ZAN: variants seen among roughly 807,000 people sequenced by gnomAD.
The protein encoded by ZAN is zonadhesin, also known as zonadhesin (gene/pseudogene).
A neutral mutation model predicts 286.2 loss-of-function variants in ZAN; 260 were observed. That is an observed-to-expected ratio of 0.91 (90% CI 0.82 to 1.01). ZAN has a LOEUF of 1.01. Among genes scored for constraint, ZAN ranks in the 50% least tolerant of loss-of-function variants. The pLI, the probability that ZAN is intolerant of heterozygous loss-of-function variation, is 0.00. For missense variants in ZAN, 3,410 were observed against 3,639.2 expected, an observed-to-expected ratio of 0.94 and a Z score of 1.62; for synonymous variants, 1,368 against 1,417.5, an observed-to-expected ratio of 0.97 and a Z score of 0.79.
intron 19 of ZAN, among the ~76,000 whole-genome samples, chr7:100,761,507 G>T (rs1348336676): frequency 6.6e-6 from 1 of 152,068 alleles, no homozygotes; most frequent in Non-Finnish European, 1.5e-5. Flanking sequence ...GGTGGTACTT[G>T]CCTGTAGTCT....
rs780806451 is a variant in ZAN, at chr7:100,751,210, A to G, written c.1550A>G (p.Asn517Ser). 1.9e-6 allele frequency: 3 copies of G among 1,610,118 alleles called. No homozygotes were observed. The African/African-American group carries it at 4.0e-5, about 22-fold the overall frequency. Residue 517 changes from asparagine to serine, a missense_variant, in exon 13 of 48, where the codon AAC becomes AGC. Physicochemically the swap from Asn to Ser is conservative, Grantham distance 46. Transcript: ENST00000613979. ...ATTTTCAAGGGCATCCAGGGAAGCA[A>G]CACGGCCTCTGTGGTTGCTATGGGT... is the stretch of plus-strand genomic sequence containing the variant. The part of the protein sequence containing the change: ...QLIFKGIQGS[N>S]TASVVAMGFI...
At chr7:100,774,289 G>C (rs892401293) in intron 31 of ZAN, among the ~76,000 whole-genome samples, 1 of 152,192 alleles carries the variant, frequency 6.6e-6, no homozygotes, top group East Asian at 1.9e-4. Flanking sequence ...AGAATTGCTT[G>C]AACCCAGGAG....
chr7:100,782,671 T>TG (rs1811266923), intron 35 of ZAN, among the ~76,000 whole-genome samples: 1 of 115,594 alleles, frequency 8.7e-6, no homozygotes, highest in Non-Finnish European at 1.8e-5. Context: ...TATATTTAAG[T>TG]GGGTTTTTTT....
intron 29 of ZAN, among the ~76,000 whole-genome samples, chr7:100,772,770 A>G (rs952532816): frequency 1.5e-4 from 23 of 149,832 alleles, no homozygotes; most frequent in Admixed American, 8.6e-4. Flanking sequence ...GCAGTGACCC[A>G]AGATCATGCC....
At chr7:100,738,399 C>A in intron 6 of ZAN, 62 bp from the exon 7 acceptor site, 1 of 1,348,010 alleles carries the variant, frequency 7.4e-7, no homozygotes, top group South Asian at 1.3e-5. Context: ...GCCTGGGTGA[C>A]AGAGACCCTG....
chr7:100,773,244 A>G (rs1246898141), intron 29 of ZAN, 41 bp from the exon 30 acceptor site: 1 of 1,601,524 alleles, frequency 6.2e-7, no homozygotes, highest in Non-Finnish European at 8.5e-7. Context: ...TGGGGGCTGG[A>G]CATGCCACCC....
Position 100,790,927 on chromosome 7 carries a change from C to A in ZAN, c.7358-15C>A, listed in dbSNP as rs1357784740. 5 of 1,595,806 alleles carry A rather than the reference C, an allele frequency of 3.1e-6. No homozygotes were observed. The highest frequency in any genetic ancestry group is 4.3e-6 in the Non-Finnish European group (5 of 1,171,534). ...GTGAGGAGTCTCACTTCTGGGGACC[C>A]CCTTCCTCCCGCAGTGATCTCCCTA... is the stretch of plus-strand genomic sequence containing the variant. On this transcript the variant is annotated splice_polypyrimidine_tract_variant and intron_variant, in intron 39 of 47. Coordinates refer to ENST00000613979, the MANE Select transcript of ZAN (RefSeq NM_003386.3).
intron 11 of ZAN, 117 bp from the exon 12 acceptor site, chr7:100,750,508 C>A: frequency 8.1e-7 from 1 of 1,241,422 alleles, no homozygotes; most frequent in Non-Finnish European, 1.1e-6. Flanking sequence ...AATGCTACGA[C>A]CTGGGAAATT....
intron 45 of ZAN, among the ~76,000 whole-genome samples, chr7:100,796,408 G>A (rs373397189): frequency 1.7e-4 from 25 of 149,924 alleles, no homozygotes; most frequent in African/African-American, 6.1e-4. Context: ...TCTGGAGTGG[G>A]CCCAGGAATC....
In ZAN at chr7:100,750,794, G is replaced by T; in HGVS notation, c.1419G>T (p.Ala473=). 6.2e-7 allele frequency: 1 copy of T among 1,611,056 alleles called. No individual in the cohort carries two copies. Among genetic ancestry groups the T allele is most frequent in the East Asian group, 2.2e-5 (1 of 44,780 alleles). The change falls in exon 12 of 48, where the codon GCG becomes GCT. Residue 473 remains alanine (A), a synonymous_variant. Coordinates refer to ENST00000613979, the MANE Select transcript of ZAN (RefSeq NM_003386.3). ...TMLELLLGSP[A]GSPPIPLWKR... ...TCGAACTCCTCCTGGGAAGTCCTGC[G>T]GGGAGTCCCCCGATTCCTCTCTGGA...
At chr7:100,757,648 T>C (rs191388686) in intron 15 of ZAN, among the ~76,000 whole-genome samples, 342 of 149,538 alleles carry the variant, frequency 2.3e-3, no homozygotes, top group Non-Finnish European at 4.5e-3. Flanking sequence ...CCAGCTACTC[T>C]GGAGGCTGAG....
At chr7:100,789,868 G>T (rs184983466) in intron 39 of ZAN, among the ~76,000 whole-genome samples, 2 of 151,942 alleles carry the variant, frequency 1.3e-5, no homozygotes, top group Admixed American at 6.6e-5. Flanking sequence ...TCGCTTGAAC[G>T]TGGGAGGCGG....
rs1490535613 is a variant in ZAN, at chr7:100,752,606, AAG to A, written c.2505_2506del (p.Glu835AspfsTer55). The A allele has an allele frequency of 6.2e-7, 1 of 1,611,944 alleles. No individual in the cohort carries two copies. Among genetic ancestry groups the A allele is most frequent in the Non-Finnish European group, 8.5e-7 (1 of 1,179,418 alleles). Reference sequence around the variant, plus strand: ...ACTGAAGAAACCACCACCTCTGTTGAAGAGACTACCATCTCTACAGAAAAACT... The same window carrying A: ...ACTGAAGAAACCACCACCTCTGTTGAAGACTACCATCTCTACAGAAAAACT... On this transcript the variant is annotated frameshift_variant, in exon 14 of 48. Coordinates refer to ENST00000613979, the MANE Select transcript of ZAN (RefSeq NM_003386.3). LOFTEE classifies it high-confidence loss of function.
chr7:100,762,240 T>TTG lies in ZAN; in HGVS notation c.3873_3874dup (p.Gly1292ValfsTer13), dbSNP rs773801668. 1 of 1,613,366 alleles carries TTG rather than the reference T, an allele frequency of 6.2e-7. No homozygotes were observed. The highest frequency in any genetic ancestry group is 1.7e-5 in the Admixed American group (1 of 59,920). Reference sequence around the variant, plus strand: ...CACATACTCTGGCAAACTCTGTGGTTTGTGTGGGAACTATGACGGCAACAG... The same window carrying TTG: ...CACATACTCTGGCAAACTCTGTGGTTTGTGTGTGGGAACTATGACGGCAACAG... On this transcript the variant is annotated frameshift_variant, in exon 20 of 48. Coordinates refer to ENST00000613979, the MANE Select transcript of ZAN (RefSeq NM_003386.3). LOFTEE classifies it high-confidence loss of function.
chr7:100,795,165 C>A (rs765627747), intron 44 of ZAN, 31 bp from the exon 45 acceptor site: 7 of 1,594,546 alleles, frequency 4.4e-6, no homozygotes, highest in Non-Finnish European at 6.0e-6. Flanking sequence ...CTCCCAGGGC[C>A]CCCCTCCCAC....
rs972748895 is a variant in ZAN, at chr7:100,797,683, A to G, written c.8414-24A>G. 1.4e-5 allele frequency: 23 copies of G among 1,613,970 alleles called. No homozygotes were observed. The East Asian group carries it at 4.9e-4, about 34-fold the overall frequency. ...CCTAGAGTTGAGTCTCCTCTCATAC[A>G]TGGTTTTCTTGCTTTCTCCTCAGAT... On this transcript the variant is annotated intron_variant, in intron 47 of 47. Coordinates refer to ENST00000613979, the MANE Select transcript of ZAN (RefSeq NM_003386.3).
At position 100,746,714 on chromosome 7, in the gene ZAN, G is replaced by T; in HGVS notation, c.931+12G>T. 1 of 1,613,652 alleles carries T rather than the reference G, an allele frequency of 6.2e-7. No homozygotes were observed. Among genetic ancestry groups the T allele is most frequent in the Non-Finnish European group, 8.5e-7 (1 of 1,179,734 alleles). ...TGCTTCAGTCTTGGGTTAGAGCGGA[G>T]AATTAATGGGATTTACACTGATCTG... On this transcript the variant is annotated intron_variant, in intron 8 of 47. Transcript: ENST00000613979.
rs140175003 is a variant in ZAN, at chr7:100,749,367, G to A, written c.1249+897G>A. Among the ~76,000 whole-genome samples, 1,382 of 151,360 alleles carry A rather than the reference G, an allele frequency of 9.1e-3. 20 individuals carry two copies. Among genetic ancestry groups the A allele is most frequent in the African/African-American group, 0.032 (1,313 of 41,254 alleles). On this transcript the variant is annotated intron_variant, in intron 11 of 47. Coordinates refer to ENST00000613979, the MANE Select transcript of ZAN (RefSeq NM_003386.3). ...AAAAATATATAAAAAGAGGCTGGGC[G>A]CAGTGGCTCACACCTGTAATCCCAG...
intron 39 of ZAN, 138 bp downstream of exon 39, chr7:100,789,485 G>A (rs1811795321): frequency 4.3e-6 from 6 of 1,399,248 alleles, no homozygotes; most frequent in South Asian, 1.4e-5. Flanking sequence ...AGGACCAGGA[G>A]GAGGTGAGGT....
Sources: allele counts gnomAD v4.1 joint callset (sites outside exome capture counted in the v4.1 genomes callset), GRCh38; gene constraint gnomAD v4.1.1; transcripts MANE v1.5; gene names NCBI Gene and HGNC (gene_info 2026-07-23, HGNC 2026-07-21).